The following PCSK2 variants were observed in gnomAD, a reference collection of about 807,000 sequenced individuals.
The protein encoded by PCSK2 is proprotein convertase subtilisin/kexin type 2.
In PCSK2, 14 loss-of-function variants were observed where a neutral mutation model predicts 69.7. That is an observed-to-expected ratio of 0.20 (90% CI 0.13 to 0.31). The LOEUF (loss-of-function observed/expected upper bound fraction) is 0.31, where lower values mean the gene tolerates loss of function less well. Ranked by LOEUF, PCSK2 falls within the 10% of genes least tolerant of loss-of-function variation. The pLI is 1.00. For missense variants in PCSK2, 544 were observed against 842.5 expected, an observed-to-expected ratio of 0.65 and a Z score of 4.39; for synonymous variants, 307 against 320.7, an observed-to-expected ratio of 0.96 and a Z score of 0.46.
chr20:17,411,176 G>C (rs2031863377), intron 6 of PCSK2, among the ~76,000 whole-genome samples: 1 of 152,218 alleles, frequency 6.6e-6, no homozygotes, highest in African/African-American at 2.4e-5. Flanking sequence ...CGACGCAGAA[G>C]ATGGGCAATT....
intron 11 of PCSK2, among the ~76,000 whole-genome samples, chr20:17,479,865 C>T (rs2033364693): frequency 6.6e-6 from 1 of 151,160 alleles, no homozygotes; most frequent in South Asian, 2.1e-4. Context: ...CTTAAATAAC[C>T]TGCCCAAGCT....
chr20:17,384,868 C>T (rs555640519), intron 5 of PCSK2, among the ~76,000 whole-genome samples: 35 of 152,176 alleles, frequency 2.3e-4, no homozygotes, highest in Admixed American at 9.2e-4. Context: ...GTCGAAGCTA[C>T]GGTGAGCCAC....
At chr20:17,362,067 C>T (rs1165064675) in intron 4 of PCSK2, among the ~76,000 whole-genome samples, 1 of 152,218 alleles carries the variant, frequency 6.6e-6, no homozygotes, top group Admixed American at 6.5e-5. Flanking sequence ...AAAGTGCCAA[C>T]AGATGTGCAT....
At chr20:17,332,339 T>G (rs1990228366) in intron 2 of PCSK2, among the ~76,000 whole-genome samples, 1 of 152,058 alleles carries the variant, frequency 6.6e-6, no homozygotes, top group Non-Finnish European at 1.5e-5. Context: ...ATTTTCTTAG[T>G]CCTCCTGAGT....
Position 17,438,766 on chromosome 20 carries a change from C to T in PCSK2, c.885+1883C>T, listed in dbSNP as rs189609975. Among the ~76,000 whole-genome samples, 276 of 152,354 alleles carry T rather than the reference C, an allele frequency of 1.8e-3. 2 individuals are homozygous for T. The highest frequency in any genetic ancestry group is 6.4e-3 in the African/African-American group (267 of 41,586). Reference sequence around the variant, plus strand: ...TATGCCCCCCACACCCAGGGCACAGCCCACAGCCGATGACTAAGGCAGGAG... The same window carrying T: ...TATGCCCCCCACACCCAGGGCACAGTCCACAGCCGATGACTAAGGCAGGAG... On this transcript the variant is annotated intron_variant, in intron 8 of 11. Transcript: ENST00000262545.
intron 7 of PCSK2, among the ~76,000 whole-genome samples, chr20:17,433,121 C>T (rs1040483): frequency 0.99 from 150,309 of 152,278 alleles, 74,199 homozygotes; most frequent in East Asian, 1. Flanking sequence ...ATTTACACAC[C>T]GGGCTTCGGG....
In PCSK2 at chr20:17,294,254, G is replaced by A. The variant is rs1304232836; in HGVS notation, c.282+33910G>A. 1.5e-4 allele frequency among the ~76,000 whole-genome samples: 22 copies of A among 150,370 alleles called. 1 individual carries two copies. The highest frequency in any genetic ancestry group is 2.4e-4 in the Non-Finnish European group (16 of 67,540). Reference sequence around the variant, plus strand: ...CGAGTAGCTGGGACTACAGGCGCCCGCCACCGCGCCCGGCTAATTTTTTTT... The same window carrying A: ...CGAGTAGCTGGGACTACAGGCGCCCACCACCGCGCCCGGCTAATTTTTTTT... On this transcript the variant is annotated intron_variant, in intron 2 of 11. Transcript: ENST00000262545.
chr20:17,405,436 G>A (rs1270357893), intron 5 of PCSK2, among the ~76,000 whole-genome samples: 1 of 152,178 alleles, frequency 6.6e-6, no homozygotes, highest in Non-Finnish European at 1.5e-5. Context: ...AAAGCAATGG[G>A]CACAGCCACC....
chr20:17,344,011 T>G (rs370920523), intron 2 of PCSK2, among the ~76,000 whole-genome samples: 2 of 152,222 alleles, frequency 1.3e-5, no homozygotes, highest in Admixed American at 1.3e-4. Context: ...AACTGCCCAC[T>G]GCAGGATGAA....
intron 5 of PCSK2, among the ~76,000 whole-genome samples, chr20:17,405,560 A>C (rs2031733373): frequency 6.6e-6 from 1 of 152,180 alleles, no homozygotes; most frequent in Admixed American, 6.5e-5. Context: ...CAATTACAGC[A>C]CCTCATATAT....
chr20:17,360,942 C>T (rs531039227), intron 4 of PCSK2, among the ~76,000 whole-genome samples: 1 of 152,276 alleles, frequency 6.6e-6, no homozygotes, highest in Admixed American at 6.5e-5. Flanking sequence ...CTTAAAATGT[C>T]CTCTAAACTC....
chr20:17,372,069 T>C (rs1395041816), intron 5 of PCSK2, among the ~76,000 whole-genome samples: 1 of 152,190 alleles, frequency 6.6e-6, no homozygotes, highest in Non-Finnish European at 1.5e-5. Context: ...CAATGGGTGG[T>C]AACCACAGAA....
At position 17,465,618 on chromosome 20, in the gene PCSK2, T is replaced by C. The variant is rs186448746; in HGVS notation, c.1430+65T>C. ...TGCCCCTGAGATGGCTCCATGGCAT[T>C]GGCATAATATCACATTCCCTCTTCA... On this transcript the variant is annotated intron_variant, in intron 11 of 11. Transcript: ENST00000262545. The C allele has an allele frequency of 2.9e-4, 279 of 956,714 alleles. 2 individuals are homozygous for C. In the African/African-American group the frequency reaches 3.8e-3, roughly 13 times the overall value. The allele number at this position is 956,714 out of a possible 1,614,324, so 59.3% of individuals were successfully genotyped here.
intron 8 of PCSK2, among the ~76,000 whole-genome samples, chr20:17,449,460 G>T (rs2032764176): frequency 7.2e-6 from 1 of 138,686 alleles, no homozygotes; most frequent in South Asian, 2.6e-4. Context: ...AATTTCAATT[G>T]ATATATTGTA....
At chr20:17,473,755 G>A (rs2033244448) in intron 11 of PCSK2, among the ~76,000 whole-genome samples, 1 of 152,184 alleles carries the variant, frequency 6.6e-6, no homozygotes, top group African/African-American at 2.4e-5. Context: ...CCTGACCTGT[G>A]AGGGGAGAAT....
At chr20:17,418,079 C>A (rs2032042494) in intron 6 of PCSK2, among the ~76,000 whole-genome samples, 1 of 152,138 alleles carries the variant, frequency 6.6e-6, no homozygotes, top group African/African-American at 2.4e-5. Context: ...TACTACAATG[C>A]AAAAATGTAG....
intron 8 of PCSK2, among the ~76,000 whole-genome samples, chr20:17,438,139 C>CT (rs1343262596): frequency 9.2e-5 from 14 of 152,280 alleles, no homozygotes; most frequent in Non-Finnish European, 1.6e-4. Context: ...GCTTTTGGAA[C>CT]TCCATTTTGG....
Position 17,482,342 on chromosome 20 carries a change from GAAA to G in PCSK2, c.*291_*293del, listed in dbSNP as rs11472008. On this transcript the variant is annotated 3_prime_UTR_variant, in exon 12 of 12. Transcript: ENST00000262545. ...CTGTCATTCAAATGGGTGATATCCT[GAAA>G]AAAAAAAAAAAAAAAAAACTGGGAC... 0.22 allele frequency: 23,244 copies of G among 106,338 alleles called. 2,250 individuals are homozygous for G. The highest frequency in any genetic ancestry group is 0.29 in the African/African-American group (8,644 of 30,022). The allele number at this position is 106,338 out of a possible 1,614,324, so 6.6% of individuals were successfully genotyped here.
At chr20:17,255,366 G>A (rs1386648956) in intron 1 of PCSK2, among the ~76,000 whole-genome samples, 1 of 151,408 alleles carries the variant, frequency 6.6e-6, no homozygotes, top group Admixed American at 6.6e-5. Context: ...TTTTGAGACG[G>A]AGTCTCGCTC....
Sources: gnomAD v4.1 joint callset for allele counts (sites outside exome capture counted in the v4.1 genomes callset) on GRCh38, gnomAD v4.1.1 for gene constraint, MANE v1.5 for transcripts, NCBI Gene and HGNC (gene_info 2026-07-23, HGNC 2026-07-21) for gene names.